DST: variants seen among roughly 807,000 people sequenced by gnomAD.
DST encodes the protein dystonin, also known as bullous pemphigoid antigen.
Under a neutral mutation model 875.2 loss-of-function variants are expected in DST, and 253 were observed. The observed-to-expected ratio is 0.29, with a 90% CI of 0.26 to 0.32. The LOEUF is 0.32. DST is among the 10% of genes least tolerant of loss of function. The pLI is 1.00. For synonymous variants in DST, 3,124 were observed against 3,197.1 expected (o/e 0.98, Z 0.77); for missense variants, 8,287 against 9,111.6 (o/e 0.91, Z 3.68).
intron 9 of DST, among the ~76,000 whole-genome samples, chr6:56,676,753 G>A (rs538299146): frequency 2.3e-4 from 34 of 151,008 alleles, no homozygotes; most frequent in African/African-American, 7.8e-4. Flanking sequence ...AAACTGGAGG[G>A]AATGTTAAGC....
rs16888005 is a variant in DST, at chr6:56,571,975, T to C, written c.13721+125A>G. On this transcript the variant is annotated intron_variant, in intron 53 of 103. Transcript: ENST00000680361. Reference sequence around the variant, plus strand: ...AATGATCAAAATATAAAAACATCTATAAAGTAGCCCTATGCTTATTCTCAA... The same window carrying C: ...AATGATCAAAATATAAAAACATCTACAAAGTAGCCCTATGCTTATTCTCAA... 0.023 allele frequency: 9,273 copies of C among 399,136 alleles called. 743 individuals are homozygous for C. Among genetic ancestry groups the C allele is most frequent in the African/African-American group, 0.17 (8,259 of 47,962 alleles). 24.7% of individuals were successfully genotyped at this position (399,136 alleles called of 1,614,324 possible).
chr6:56,645,462 C>T (rs1026195339), intron 15 of DST, among the ~76,000 whole-genome samples: 1 of 152,104 alleles, frequency 6.6e-6, no homozygotes, highest in African/African-American at 2.4e-5. Context: ...TGAAGGCAAG[C>T]TAGATTTTGG....
chr6:56,781,379 G>C (rs2099693484), intron 4 of DST, among the ~76,000 whole-genome samples: 1 of 152,116 alleles, frequency 6.6e-6, no homozygotes, highest in Non-Finnish European at 1.5e-5. Flanking sequence ...CCATTCGTTT[G>C]TATCCTCTTT....
chr6:56,943,005 G>A (rs979533988), intron 2 of DST, among the ~76,000 whole-genome samples: 1 of 152,098 alleles, frequency 6.6e-6, no homozygotes, highest in African/African-American at 2.4e-5. Flanking sequence ...ACAGGCATGA[G>A]CTACCATATC....
At chr6:56,582,543 T>C (rs957714327) in intron 49 of DST, among the ~76,000 whole-genome samples, 13 of 149,466 alleles carry the variant, frequency 8.7e-5, no homozygotes, top group African/African-American at 3.2e-4. Flanking sequence ...CCCTGTAGAA[T>C]CGTGAGCCAA....
Position 56,553,499 on chromosome 6 carries a change from T to G in DST, c.15293A>C (p.Lys5098Thr). The change falls in exon 61 of 104, where the codon AAA becomes ACA. Residue 5098 changes from lysine to threonine, a missense_variant. Lys to Thr is a moderately conservative substitution (Grantham distance 78). Coordinates refer to ENST00000680361, the MANE Select transcript of DST (RefSeq NM_001374736.1). ...AGTTTTACTAAAGTCTTTATGATCT[T>G]TAATTAATGACTCCAAGACATCGAG... ...AKLDVLESLIKDHKDFSKTLT... is the reference protein window; with the variant it reads ...AKLDVLESLITDHKDFSKTLT... 6.2e-7 allele frequency: 1 copy of G among 1,613,894 alleles called. No individual in the cohort carries two copies. The highest frequency in any genetic ancestry group is 8.5e-7 in the Non-Finnish European group (1 of 1,179,870).
At chr6:56,876,289 T>C (rs1779598373) in intron 3 of DST, among the ~76,000 whole-genome samples, 1 of 152,148 alleles carries the variant, frequency 6.6e-6, no homozygotes, top group African/African-American at 2.4e-5. Context: ...GCCACAAAAG[T>C]TCCTAGCCTC....
At chr6:56,468,944 T>A (rs1248477665) in intron 98 of DST, 38 bp downstream of exon 98, 1 of 1,537,772 alleles carries the variant, frequency 6.5e-7, no homozygotes, top group Admixed American at 1.9e-5. Context: ...TAAAAAAAAA[T>A]CATCAGGAAC....
intron 49 of DST, among the ~76,000 whole-genome samples, chr6:56,586,053 GA>G (rs547806525): frequency 2.0e-5 from 3 of 152,016 alleles, no homozygotes; most frequent in Middle Eastern, 3.4e-3. Context: ...GTGTGGTGCT[GA>G]AAAAAAATGT....
chr6:56,811,973 A>G (rs1377024598), intron 4 of DST, among the ~76,000 whole-genome samples: 1 of 151,548 alleles, frequency 6.6e-6, no homozygotes, highest in African/African-American at 2.4e-5. Flanking sequence ...GTAGTGGAGC[A>G]CACCTGTAGT....
chr6:56,656,782 C>A (rs1224755608), intron 10 of DST, among the ~76,000 whole-genome samples: 1 of 152,120 alleles, frequency 6.6e-6, no homozygotes, highest in Non-Finnish European at 1.5e-5. Flanking sequence ...AAATACAGAA[C>A]AAATTATACT....
At position 56,478,823 on chromosome 6, in the gene DST, G is replaced by GA. The variant is rs369525947; in HGVS notation, c.21532-1336dup. ...GAAATATAGGTGTTTTACTATACAA[G>GA]AAAACCTAAAAAAACTCTTCTGGAC... is the stretch of plus-strand genomic sequence containing the variant. On this transcript the variant is annotated intron_variant, in intron 90 of 103. Coordinates refer to ENST00000680361, the MANE Select transcript of DST (RefSeq NM_001374736.1). Among the ~76,000 whole-genome samples, 85 of 152,174 alleles carry GA rather than the reference G, an allele frequency of 5.6e-4. 1 individual carries two copies. The highest frequency in any genetic ancestry group is 1.9e-3 in the African/African-American group (77 of 41,532).
At position 56,606,850 on chromosome 6, in the gene DST, G is replaced by A. The variant is rs2098502803; in HGVS notation, c.7778C>T (p.Ser2593Leu). 10 of 1,613,078 alleles carry A rather than the reference G, an allele frequency of 6.2e-6. No individual in the cohort carries two copies. Among genetic ancestry groups the A allele is most frequent in the Non-Finnish European group, 7.6e-6 (9 of 1,179,398 alleles). Reference sequence around the variant, plus strand: ...GTTATTCTGCTGATCATTCAGCAGTGACGTTTCATAGTCACTAGCACTGAT... The same window carrying A: ...GTTATTCTGCTGATCATTCAGCAGTAACGTTTCATAGTCACTAGCACTGAT... ...ETISASDYET[S>L]LLNDQQNNTG... Residue 2593 changes from serine (S) to leucine (L), a missense_variant, in exon 40 of 104, where the codon TCA becomes TTA. By Grantham distance (145) the Ser-to-Leu change is moderately radical (BLOSUM62 -2). Coordinates refer to ENST00000680361, the MANE Select transcript of DST (RefSeq NM_001374736.1).
intron 4 of DST, among the ~76,000 whole-genome samples, chr6:56,845,555 G>A (rs1253451327): frequency 2.0e-5 from 3 of 152,178 alleles, no homozygotes; most frequent in East Asian, 3.8e-4. Flanking sequence ...CTTACAGCTC[G>A]ATATGCATTT....
chr6:56,617,075 T>G (rs2152731546), intron 36 of DST: 1 of 1,613,974 alleles, frequency 6.2e-7, no homozygotes. Flanking sequence ...CGTCAGAAAC[T>G]TGTTAAGAGT....
At chr6:56,780,360 T>A (rs1341501155) in intron 4 of DST, among the ~76,000 whole-genome samples, 1 of 151,866 alleles carries the variant, frequency 6.6e-6, no homozygotes, top group East Asian at 1.9e-4. Flanking sequence ...AAAGTGTTCC[T>A]ATTTCTCCAC....
intron 67 of DST, among the ~76,000 whole-genome samples, chr6:56,528,400 C>G (rs114154504): frequency 0.025 from 3,847 of 152,278 alleles, 74 homozygotes; most frequent in Non-Finnish European, 0.043. Flanking sequence ...AGATACTAAA[C>G]TATGTATCAG....
chr6:56,954,548 TG>T lies in DST; in HGVS notation c.39del (p.Tyr13Ter). The T allele has an allele frequency of 2.2e-6, 3 of 1,367,110 alleles. No homozygotes were observed. Among genetic ancestry groups the T allele is most frequent in the Non-Finnish European group, 2.9e-6 (3 of 1,021,700 alleles). 84.7% of individuals were successfully genotyped at this position (1,367,110 alleles called of 1,614,324 possible). On this transcript the variant is annotated frameshift_variant, in exon 1 of 104. Coordinates refer to ENST00000680361, the MANE Select transcript of DST (RefSeq NM_001374736.1). LOFTEE classifies it high-confidence loss of function. ...AAAFLVLLRP[Y>X]SIQCALFLLL... ...AAGAGGAAGAGGGCACATTGGATGC[TG>T]TAGGGTCTCAGCAAGACGAGGAAAG...
At chr6:56,626,914 C>T (rs181067057) in intron 34 of DST, among the ~76,000 whole-genome samples, 1 of 152,116 alleles carries the variant, frequency 6.6e-6, no homozygotes, top group African/African-American at 2.4e-5. Flanking sequence ...ATGAAATACC[C>T]TAACAATGTT....
Sources: gnomAD v4.1 joint callset for allele counts (sites outside exome capture counted in the v4.1 genomes callset) on GRCh38, gnomAD v4.1.1 for gene constraint, MANE v1.5 for transcripts, NCBI Gene and HGNC (gene_info 2026-07-23, HGNC 2026-07-21) for gene names.